Variants in NUP188 observed in about 807,000 individuals in gnomAD.
The protein encoded by NUP188 is nucleoporin 188, also known as nucleoporin NUP188.
A neutral mutation model predicts 223.0 loss-of-function variants in NUP188; 97 were observed. That is an observed-to-expected ratio of 0.43 (90% CI 0.37 to 0.51). NUP188 has a LOEUF of 0.51. Among genes scored for constraint, NUP188 ranks in the 20% least tolerant of loss-of-function variants. The probability of loss-of-function intolerance (pLI) is 0.00; values close to 1 mark genes in which losing one functional copy is unlikely to be tolerated. For missense variants in NUP188, 1,947 were observed against 2,175.6 expected (o/e 0.89, Z 2.09); for synonymous variants, 869 against 828.0 (o/e 1.05, Z -0.85).
rs1172213609 is a variant in NUP188 at position 128,947,713 on chromosome 9, C to G, written c.-7C>G. On this transcript the variant is annotated 5_prime_UTR_variant, in exon 1 of 44. Transcript: ENST00000372577. ...GGGGCGGGGTTAGGGCGAGCGGGCG[C>G]GCGAAGATGGCGGCGGCCGCCGGCG... The G allele has an allele frequency of 3.4e-6, 5 of 1,467,682 alleles. No individual in the cohort carries two copies. The East Asian group carries it at 7.9e-5, about 23-fold the overall frequency. The allele number at this position is 1,467,682 out of a possible 1,614,324, so 90.9% of individuals were successfully genotyped here.
chr9:128,969,127 G>T (rs903421792), intron 9 of NUP188, among the ~76,000 whole-genome samples: 4 of 152,120 alleles, frequency 2.6e-5, no homozygotes, highest in African/African-American at 9.7e-5. Flanking sequence ...ATAACTGGGG[G>T]CCTGGTCACT....
chr9:128,951,772 A>T (rs141622875), intron 2 of NUP188, among the ~76,000 whole-genome samples: 2 of 151,744 alleles, frequency 1.3e-5, no homozygotes, highest in Non-Finnish European at 2.9e-5. Flanking sequence ...TGTAATACTT[A>T]GTGTGATTCT....
chr9:129,005,864 T>TG (rs1446223687), intron 41 of NUP188, 88 bp downstream of exon 41: 5 of 1,506,316 alleles, frequency 3.3e-6, no homozygotes, highest in Admixed American at 2.0e-5. Context: ...ATGTTGGGCA[T>TG]GGTACCTAGC....
chr9:128,984,014 G>C (rs1842294141), intron 19 of NUP188, among the ~76,000 whole-genome samples: 1 of 151,598 alleles, frequency 6.6e-6, no homozygotes, highest in African/African-American at 2.4e-5. Flanking sequence ...TAGAGACGAG[G>C]TCTTACCATG....
chr9:128,978,931 G>A (rs889896728), intron 12 of NUP188, among the ~76,000 whole-genome samples: 6 of 152,092 alleles, frequency 3.9e-5, no homozygotes, highest in Admixed American at 2.0e-4. Context: ...GGCTGGTCTC[G>A]AACTCCTGAC....
At chr9:129,005,048 G>T in intron 38 of NUP188, 99 bp from the exon 39 acceptor site, 1 of 780,232 alleles carries the variant, frequency 1.3e-6, no homozygotes, top group South Asian at 1.5e-5. Flanking sequence ...AGCGAGTGAG[G>T]AGCGCATGGG....
intron 30 of NUP188, 70 bp from the exon 31 acceptor site, chr9:128,998,081 A>T: frequency 3.0e-6 from 3 of 1,010,494 alleles, no homozygotes; most frequent in Non-Finnish European, 4.8e-6. Context: ...CTAGCAGAGG[A>T]CCCCATGTTT....
intron 2 of NUP188, 33 bp from the exon 3 acceptor site, chr9:128,952,740 C>G (rs1259970944): frequency 6.7e-7 from 1 of 1,498,952 alleles, no homozygotes; most frequent in Non-Finnish European, 9.2e-7. Flanking sequence ...AAAAAAAATA[C>G]TGCATTTGTA....
rs781397446 is a variant in NUP188, at chr9:128,999,621, C to T, written c.3662-3C>T. 5 of 1,613,616 alleles carry T rather than the reference C, an allele frequency of 3.1e-6. No homozygotes were observed. Among genetic ancestry groups the T allele is most frequent in the South Asian group, 2.2e-5 (2 of 91,060 alleles). ...ACAGTGTCCCTCCCTGTCTATTCTA[C>T]AGTAAGTGACATCCCCCAGTACTCC... On this transcript the variant is annotated splice_region_variant and splice_polypyrimidine_tract_variant and intron_variant, in intron 33 of 43. Transcript: ENST00000372577.
chr9:128,954,664 G>A (rs952039034), intron 3 of NUP188, among the ~76,000 whole-genome samples: 65 of 152,084 alleles, frequency 4.3e-4, no homozygotes, highest in Non-Finnish European at 8.8e-4. Context: ...GATTACAGGC[G>A]TGAGCCACCG....
intron 13 of NUP188, 90 bp from the exon 14 acceptor site, chr9:128,980,516 T>A: frequency 2.2e-6 from 3 of 1,374,660 alleles, no homozygotes; most frequent in Non-Finnish European, 3.0e-6. Context: ...AAGGATTAAT[T>A]CTAAATTTTC....
chr9:128,965,499 C>A (rs1564553310), intron 8 of NUP188, among the ~76,000 whole-genome samples: 1 of 152,074 alleles, frequency 6.6e-6, no homozygotes, highest in Non-Finnish European at 1.5e-5. Context: ...ATAGCCCAAA[C>A]TGGAGTGCAG....
intron 25 of NUP188, among the ~76,000 whole-genome samples, chr9:128,990,986 C>T (rs1395962263): frequency 6.6e-6 from 1 of 152,202 alleles, no homozygotes; most frequent in African/African-American, 2.4e-5. Flanking sequence ...CCACTGCACT[C>T]CAGCCTGGGC....
intron 37 of NUP188, 55 bp downstream of exon 37, chr9:129,003,030 G>A (rs1020130861): frequency 1.5e-4 from 240 of 1,582,142 alleles, no homozygotes; most frequent in Admixed American, 9.5e-4. Context: ...AAAGGTACTG[G>A]GCCATTCATG....
chr9:128,987,817 G>T lies in NUP188; in HGVS notation c.2393+100G>T, dbSNP rs566839353. ...TAACTTGCAGTAGCTTTTAGAAGAC[G>T]ACATTGTTCTTCCTAGGACATAGCC... On this transcript the variant is annotated intron_variant, in intron 23 of 43. Coordinates refer to ENST00000372577, the MANE Select transcript of NUP188 (RefSeq NM_015354.3). 4.1e-6 allele frequency: 6 copies of T among 1,463,196 alleles called. No individual in the cohort carries two copies. The South Asian group carries it at 5.1e-5, about 13-fold the overall frequency. 90.6% of individuals were successfully genotyped at this position (1,463,196 alleles called of 1,614,324 possible). A position where few individuals can be genotyped will look rare whatever the true frequency, so the allele number is the denominator to read the frequency against.
intron 3 of NUP188, among the ~76,000 whole-genome samples, chr9:128,955,723 G>A (rs1483590033): frequency 1.3e-5 from 2 of 151,434 alleles, no homozygotes; most frequent in East Asian, 1.9e-4. Flanking sequence ...ACTATAAGAT[G>A]CTTCAAGATT....
chr9:129,002,674 TG>T, intron 36 of NUP188, 142 bp from the exon 37 acceptor site: 1 of 810,626 alleles, frequency 1.2e-6, no homozygotes, highest in Non-Finnish European at 1.9e-6. Context: ...GGCCCCTTTC[TG>T]GCCCTGGTGG....
intron 12 of NUP188, among the ~76,000 whole-genome samples, chr9:128,977,358 A>G (rs550296273): frequency 6.6e-6 from 1 of 151,986 alleles, no homozygotes; most frequent in South Asian, 2.1e-4. Flanking sequence ...TGACCTTGTG[A>G]TCTGCCTGCC....
intron 22 of NUP188, among the ~76,000 whole-genome samples, chr9:128,987,148 CTAATA>C (rs958201100): frequency 6.9e-6 from 1 of 145,594 alleles, no homozygotes; most frequent in African/African-American, 2.5e-5. Flanking sequence ...TATACATACA[CTAATA>C]TATTAATCAT....
Sources: gnomAD v4.1 joint callset for allele counts (sites outside exome capture counted in the v4.1 genomes callset) on GRCh38, gnomAD v4.1.1 for gene constraint, MANE v1.5 for transcripts, NCBI Gene and HGNC (gene_info 2026-07-23, HGNC 2026-07-21) for gene names.